NR4A2: variants seen among roughly 807,000 people sequenced by gnomAD.
NR4A2 encodes NGFI-B/nur77 beta-type transcription factor homolog.
Under a neutral mutation model 50.5 loss-of-function variants are expected in NR4A2, and 1 was observed. The observed-to-expected ratio is 0.02, with a 90% CI of 0.01 to 0.09. The LOEUF (loss-of-function observed/expected upper bound fraction) is 0.09. Among genes scored for constraint, NR4A2 ranks in the 10% least tolerant of loss-of-function variants. The probability of loss-of-function intolerance (pLI) is 1.00; values close to 1 mark genes in which losing one functional copy is unlikely to be tolerated. For synonymous variants in NR4A2, 328 were observed against 309.4 expected, an observed-to-expected ratio of 1.06 and a Z score of -0.63; for missense variants, 613 against 777.3, an observed-to-expected ratio of 0.79 and a Z score of 2.51.
At position 156,327,991 on chromosome 2, in the gene NR4A2, C is replaced by A; in HGVS notation, c.1018G>T (p.Gly340Cys). 6.2e-7 allele frequency: 1 copy of A among 1,605,768 alleles called. No homozygotes were observed. The part of the protein sequence containing the change: ...KEVVRTDSLK[G>C]RRGRLPSKPK... ...TTCGAGGGCAAACGACCTCTCCGGCCTTTTAAACTGTCTGTGCGAACCACT... is the reference window on the plus strand; with the variant it reads ...TTCGAGGGCAAACGACCTCTCCGGCATTTTAAACTGTCTGTGCGAACCACT... Residue 340 changes from glycine to cysteine, a missense_variant, in exon 5 of 8, where the codon GGC (glycine) becomes TGC (cysteine). Coordinates refer to ENST00000339562, the MANE Select transcript of NR4A2 (RefSeq NM_006186.4).
intron 5 of NR4A2, 127 bp downstream of exon 5, chr2:156,327,724 C>G (rs939481959): frequency 1.7e-6 from 2 of 1,150,836 alleles, no homozygotes; most frequent in Non-Finnish European, 2.5e-6. Context: ...GCCAGAGCTG[C>G]GAGGCATATA....
In NR4A2 at chr2:156,328,650, A is replaced by C. The variant is rs951502114; in HGVS notation, c.865-117T>G. On this transcript the variant is annotated intron_variant, in intron 3 of 7. Transcript: ENST00000339562. The surrounding 1 kb of genome is among the most constrained non-coding windows in gnomAD (Gnocchi z 4.9). ...ACGATTCCTCCCCACAAACAAACAC[A>C]TACACACAATTCCATTTTATTTTTT... 4 of 1,186,896 alleles carry C rather than the reference A, an allele frequency of 3.4e-6. No homozygotes were observed. The highest frequency in any genetic ancestry group is 5.0e-6 in the Non-Finnish European group (4 of 804,972). 73.5% of individuals were successfully genotyped at this position (1,186,896 alleles called of 1,614,324 possible).
rs912337166 is a variant in NR4A2 at position 156,324,741 on chromosome 2, G to A, written c.*1003C>T. The A allele has an allele frequency of 2.6e-5, 4 of 152,628 alleles. No homozygotes were observed. The highest frequency in any genetic ancestry group is 9.6e-5 in the African/African-American group (4 of 41,456). 9.5% of individuals were successfully genotyped at this position (152,628 alleles called of 1,614,324 possible). ...ACTCTGGAAACAGTCAAAAGCTGCT[G>A]CATGCAAGTTTTGTTTAGCTTTAGA... On this transcript the variant is annotated 3_prime_UTR_variant, in exon 8 of 8. Coordinates refer to ENST00000339562, the MANE Select transcript of NR4A2 (RefSeq NM_006186.4).
At chr2:156,331,524 G>T (rs1347465339) in intron 1 of NR4A2, among the ~76,000 whole-genome samples, 2 of 152,152 alleles carry the variant, frequency 1.3e-5, no homozygotes, top group Non-Finnish European at 2.9e-5. Flanking sequence ...CTGCTTATAT[G>T]GTATTGGCAC....
In NR4A2 at chr2:156,326,517, T is replaced by C. The variant is rs1261785322; in HGVS notation, c.1362-189A>G. 2.3e-4 allele frequency among the ~76,000 whole-genome samples: 35 copies of C among 152,204 alleles called. No homozygotes were observed. On this transcript the variant is annotated intron_variant, in intron 6 of 7. Transcript: ENST00000339562. This position sits in a 1 kb window ranked among gnomAD's most constrained non-coding sequence, Gnocchi z 4.2. Reference sequence around the variant, plus strand: ...AATCAAGAACGCCCCCTATCCCACCTCCATTCCATTCATCCAAGGCTTCTG... The same window carrying C: ...AATCAAGAACGCCCCCTATCCCACCCCCATTCCATTCATCCAAGGCTTCTG...
rs910398034 is a variant in NR4A2 at position 156,332,547 on chromosome 2, G to A, written c.-194C>T. Reference sequence around the variant, plus strand: ...GAAGTGCAGTTCCCTCTGGGAGCCCGGGCGCCGGGGTCGGGTAGGGGTGGG... The same window carrying A: ...GAAGTGCAGTTCCCTCTGGGAGCCCAGGCGCCGGGGTCGGGTAGGGGTGGG... On this transcript the variant is annotated 5_prime_UTR_variant, in exon 1 of 8. Transcript: ENST00000339562. 14 of 1,286,122 alleles carry A rather than the reference G, an allele frequency of 1.1e-5. No individual in the cohort carries two copies. Among genetic ancestry groups the A allele is most frequent in the African/African-American group, 1.5e-5 (1 of 65,830 alleles). 79.7% of individuals were successfully genotyped at this position (1,286,122 alleles called of 1,614,324 possible). A position where few individuals can be genotyped will look rare whatever the true frequency, so the allele number is the denominator to read the frequency against.
Position 156,324,616 on chromosome 2 carries a change from A to C in NR4A2, c.*1128T>G, listed in dbSNP as rs1294448572. 2.0e-5 allele frequency: 3 copies of C among 152,678 alleles called. No homozygotes were observed. Among genetic ancestry groups the C allele is most frequent in the Non-Finnish European group, 4.4e-5 (3 of 68,046 alleles). 9.5% of individuals were successfully genotyped at this position (152,678 alleles called of 1,614,324 possible). On this transcript the variant is annotated 3_prime_UTR_variant, in exon 8 of 8. Transcript: ENST00000339562. ...ATACTACAGAATATGGCAATATTAA[A>C]ATTCTTACTCAAACAAAATAATAAA... is the stretch of plus-strand genomic sequence containing the variant.
Position 156,326,950 on chromosome 2 carries a change from G to T in NR4A2, c.1159-30C>A. The T allele has an allele frequency of 6.2e-7, 1 of 1,604,990 alleles. No individual in the cohort carries two copies. The highest frequency in any genetic ancestry group is 1.1e-5 in the South Asian group (1 of 90,780). ...AATTTCATTTTAAAAAGCACTTAAT[G>T]AGGTTCTCTAAAATATATAACCCGT... On this transcript the variant is annotated intron_variant, in intron 5 of 7. Transcript: ENST00000339562. This position sits in a 1 kb window ranked among gnomAD's most constrained non-coding sequence, Gnocchi z 4.2.
In NR4A2 at chr2:156,329,208, G is replaced by A; in HGVS notation, c.864+115C>T. Reference sequence around the variant, plus strand: ...CAGCTTCGGCGGACCCCGGAGAGCTGGGCAGTCCCGGGAGAGCTGGGGCTG... The same window carrying A: ...CAGCTTCGGCGGACCCCGGAGAGCTAGGCAGTCCCGGGAGAGCTGGGGCTG... On this transcript the variant is annotated intron_variant, in intron 3 of 7. Coordinates refer to ENST00000339562, the MANE Select transcript of NR4A2 (RefSeq NM_006186.4). This position sits in a 1 kb window ranked among gnomAD's most constrained non-coding sequence, Gnocchi z 7.5. 7.0e-7 allele frequency: 1 copy of A among 1,432,562 alleles called. No homozygotes were observed. 88.7% of individuals were successfully genotyped at this position (1,432,562 alleles called of 1,614,324 possible).
chr2:156,329,311 G>A lies in NR4A2; in HGVS notation c.864+12C>T, dbSNP rs755465622. ...CTCCCTACCTGCCTACTCCGCTCCC[G>A]CCATTGCTCACCTTAAAGAAGCCTT... On this transcript the variant is annotated intron_variant, in intron 3 of 7. Coordinates refer to ENST00000339562, the MANE Select transcript of NR4A2 (RefSeq NM_006186.4). This position sits in a 1 kb window ranked among gnomAD's most constrained non-coding sequence, Gnocchi z 7.5. The A allele has an allele frequency of 2.5e-6, 4 of 1,608,578 alleles. No homozygotes were observed. The South Asian group carries it at 3.3e-5, about 13-fold the overall frequency.
In NR4A2 at chr2:156,329,978, C is replaced by G; in HGVS notation, c.209G>C (p.Gly70Ala). 6.2e-7 allele frequency: 1 copy of G among 1,614,146 alleles called. No homozygotes were observed. Among genetic ancestry groups the G allele is most frequent in the South Asian group, 1.1e-5 (1 of 91,080 alleles). Residue 70 changes from glycine (G) to alanine (A), a missense_variant, in exon 3 of 8, where the codon GGC becomes GCC. By Grantham distance (60) the Gly-to-Ala change is moderately conservative (BLOSUM62 0). This residue lies in a region of NR4A2 where 61 missense variants were observed against 96.4 expected (regional missense o/e 0.63). Coordinates refer to ENST00000339562, the MANE Select transcript of NR4A2 (RefSeq NM_006186.4). The surrounding 1 kb of genome is among the most constrained non-coding windows in gnomAD (Gnocchi z 7.5). ...FSTFMDNYST[G>A]YDVKPPCLYQ... ...CAAGCAAGGTGGCTTGACGTCGTAG[C>G]CTGTGCTGTAGTTGTCCATAAAGGT... is the stretch of plus-strand genomic sequence containing the variant.
intron 5 of NR4A2, 148 bp downstream of exon 5, chr2:156,327,703 T>C: frequency 1.1e-6 from 1 of 947,502 alleles, no homozygotes; most frequent in Non-Finnish European, 1.6e-6. Context: ...GATCTGAATC[T>C]TGAGGCCCTG....
rs545695352 is a variant in NR4A2, at chr2:156,327,905, G to A, written c.1104C>T (p.Leu368=). Residue 368 remains leucine (L), a synonymous_variant, in exon 5 of 8, where the codon CTC becomes CTT. Coordinates refer to ENST00000339562, the MANE Select transcript of NR4A2 (RefSeq NM_006186.4). ...GGTTGGAGTCGACATGGGCCCTGAC[G>A]AGGGCACTGATCAGACTCACCGGGG... ...PSPPVSLISA[L]VRAHVDSNPA... 8.8e-6 allele frequency: 14 copies of A among 1,596,114 alleles called. No individual in the cohort carries two copies. The highest frequency in any genetic ancestry group is 1.7e-4 in the Middle Eastern group (1 of 6,042).
Position 156,329,209 on chromosome 2 carries a change from G to T in NR4A2, c.864+114C>A, listed in dbSNP as rs982840661. On this transcript the variant is annotated intron_variant, in intron 3 of 7. Transcript: ENST00000339562. The surrounding 1 kb of genome is among the most constrained non-coding windows in gnomAD (Gnocchi z 7.5). ...AGCTTCGGCGGACCCCGGAGAGCTG[G>T]GCAGTCCCGGGAGAGCTGGGGCTGG... is the stretch of plus-strand genomic sequence containing the variant. 1.4e-5 allele frequency: 20 copies of T among 1,436,132 alleles called. No homozygotes were observed. Among genetic ancestry groups the T allele is most frequent in the Admixed American group, 2.0e-5 (1 of 50,826 alleles). The allele number at this position is 1,436,132 out of a possible 1,614,324, so 89.0% of individuals were successfully genotyped here. A position where few individuals can be genotyped will look rare whatever the true frequency, so the allele number is the denominator to read the frequency against.
In NR4A2 at chr2:156,325,564, G is replaced by A. The variant is rs578057363; in HGVS notation, c.*180C>T. On this transcript the variant is annotated 3_prime_UTR_variant, in exon 8 of 8. Transcript: ENST00000339562. ...GGTTCTGCCTGCAGGTTAGGAAATAGCAACAGTTTTTGTTTGTTTGTTTGT... is the reference window on the plus strand; with the variant it reads ...GGTTCTGCCTGCAGGTTAGGAAATAACAACAGTTTTTGTTTGTTTGTTTGT... 2.4e-6 allele frequency: 2 copies of A among 831,096 alleles called. No homozygotes were observed. Among genetic ancestry groups the A allele is most frequent in the East Asian group, 5.3e-5 (2 of 37,736 alleles). 51.5% of individuals were successfully genotyped at this position (831,096 alleles called of 1,614,324 possible).
At chr2:156,331,258 T>C (rs1273177574) in intron 1 of NR4A2, among the ~76,000 whole-genome samples, 1 of 152,162 alleles carries the variant, frequency 6.6e-6, no homozygotes, top group African/African-American at 2.4e-5. Context: ...GAATATAAAA[T>C]GAGAAAACAA....
intron 5 of NR4A2, among the ~76,000 whole-genome samples, chr2:156,327,176 C>T (rs1686689097): frequency 6.6e-6 from 1 of 152,206 alleles, no homozygotes; most frequent in Non-Finnish European, 1.5e-5. Context: ...AACGTTCACT[C>T]TTATCTCCAC....
At position 156,325,879 on chromosome 2, in the gene NR4A2, T is replaced by C; in HGVS notation, c.1662A>G (p.Lys554=). The C allele has an allele frequency of 6.2e-7, 1 of 1,614,156 alleles. No homozygotes were observed. Among genetic ancestry groups the C allele is most frequent in the East Asian group, 2.2e-5 (1 of 44,884 alleles). ...GGLNRPNYLS[K]LLGKLPELRT... ...GAAGTTCTGGGAGCTTCCCCAACAG[T>C]TTGGACAAATAATTGGGGCGGTTCA... is the stretch of plus-strand genomic sequence containing the variant. The change falls in exon 8 of 8, where the codon AAA becomes AAG. Residue 554 remains lysine, a synonymous_variant. Coordinates refer to ENST00000339562, the MANE Select transcript of NR4A2 (RefSeq NM_006186.4).
rs765952748 is a variant in NR4A2 at position 156,329,536 on chromosome 2, G to C, written c.651C>G (p.Thr217=). ...TGCGAATGGGGTTGGGCACAGCGAA[G>C]GTCTGCCCGTCCACCACGTGGTGGC... ...AGSHHVVDGQ[T]FAVPNPIRKP... The change falls in exon 3 of 8, where the codon ACC becomes ACG. Residue 217 remains threonine, a synonymous_variant. Transcript: ENST00000339562. The surrounding 1 kb of genome is among the most constrained non-coding windows in gnomAD (Gnocchi z 7.5). 10 of 1,604,284 alleles carry C rather than the reference G, an allele frequency of 6.2e-6. No individual in the cohort carries two copies. The highest frequency in any genetic ancestry group is 1.7e-4 in the Middle Eastern group (1 of 6,054).
Sources: allele counts gnomAD v4.1 joint callset (sites outside exome capture counted in the v4.1 genomes callset), GRCh38; gene constraint gnomAD v4.1.1; regional missense constraint gnomAD v4.1.1; non-coding constraint Gnocchi (gnomAD v3.1); transcripts MANE v1.5; gene names NCBI Gene and HGNC (gene_info 2026-07-23, HGNC 2026-07-21).